The following WDR49 variants were observed in gnomAD, a reference collection of about 807,000 sequenced individuals.
WDR49 encodes the protein cilia- and flagella-associated protein 337.
A neutral mutation model predicts 119.5 loss-of-function variants in WDR49; 107 were observed. That is an observed-to-expected ratio of 0.90 (90% CI 0.77 to 1.05). The LOEUF is 1.05. Among genes scored for constraint, WDR49 ranks in the 50% least tolerant of loss-of-function variants. The pLI, the probability that WDR49 is intolerant of heterozygous loss-of-function variation, is 0.00. For missense variants in WDR49, 1,240 were observed against 1,220.5 expected (o/e 1.02, Z -0.24); for synonymous variants, 425 against 418.8 (o/e 1.01, Z -0.18).
chr3:167,639,016 T>C (rs929494140), intron 2 of WDR49, among the ~76,000 whole-genome samples: 1 of 151,740 alleles, frequency 6.6e-6, no homozygotes, highest in African/African-American at 2.4e-5. Context: ...ATTGTTCTTA[T>C]TAATTTTCTC....
chr3:167,560,254 A>G lies in WDR49; in HGVS notation c.1510-26T>C, dbSNP rs192521429. The G allele has an allele frequency of 1.2e-4, 196 of 1,596,500 alleles. No individual in the cohort carries two copies. In the African/African-American group the frequency reaches 2.0e-3, roughly 17 times the overall value. Reference sequence around the variant, plus strand: ...CTAAGAGAAAATAACATTTTAAAGAAATTAAATATAGTCTCAGAATCAACC... The same window carrying G: ...CTAAGAGAAAATAACATTTTAAAGAGATTAAATATAGTCTCAGAATCAACC... On this transcript the variant is annotated intron_variant, in intron 8 of 18. Transcript: ENST00000682715.
At chr3:167,542,748 A>C (rs982589193) in intron 10 of WDR49, among the ~76,000 whole-genome samples, 35 of 152,088 alleles carry the variant, frequency 2.3e-4, no homozygotes, top group Non-Finnish European at 4.4e-4. Context: ...ACAAGAAAAA[A>C]ACAAACCCAA....
At chr3:167,608,460 T>C (rs1007938326) in intron 5 of WDR49, among the ~76,000 whole-genome samples, 2 of 152,194 alleles carry the variant, frequency 1.3e-5, no homozygotes, top group Non-Finnish European at 2.9e-5. Flanking sequence ...TGCTTTAAGA[T>C]TTAAATCTGC....
intron 18 of WDR49, among the ~76,000 whole-genome samples, chr3:167,482,234 G>T (rs372683422): frequency 2.0e-4 from 31 of 152,212 alleles, no homozygotes; most frequent in East Asian, 1.7e-3. Context: ...ATGCCTACAA[G>T]ATAATCAGGG....
intron 5 of WDR49, among the ~76,000 whole-genome samples, chr3:167,605,186 C>G (rs1352464047): frequency 2.6e-5 from 4 of 151,910 alleles, no homozygotes; most frequent in African/African-American, 9.7e-5. Context: ...TTCTGAGAAG[C>G]AGGAAAATAG....
At chr3:167,608,882 C>T (rs560579736) in intron 5 of WDR49, among the ~76,000 whole-genome samples, 5 of 152,190 alleles carry the variant, frequency 3.3e-5, no homozygotes, top group African/African-American at 9.6e-5. Context: ...CATTAAGATG[C>T]TAACTTTCAA....
chr3:167,596,115 A>G (rs1240827112), intron 7 of WDR49, among the ~76,000 whole-genome samples: 1 of 150,226 alleles, frequency 6.7e-6, no homozygotes, highest in Non-Finnish European at 1.5e-5. Context: ...AAACACATGA[A>G]AAAATGCTCA....
At chr3:167,617,255 A>T (rs1210439559) in intron 5 of WDR49, among the ~76,000 whole-genome samples, 1 of 152,228 alleles carries the variant, frequency 6.6e-6, no homozygotes, top group Non-Finnish European at 1.5e-5. Context: ...GGCCAGACAC[A>T]GTGGCTCACA....
intron 18 of WDR49, among the ~76,000 whole-genome samples, chr3:167,486,261 T>C (rs1750913149): frequency 6.6e-6 from 1 of 152,034 alleles, no homozygotes; most frequent in African/African-American, 2.4e-5. Flanking sequence ...GCATCCTAAA[T>C]ATAGAACCAA....
intron 8 of WDR49, among the ~76,000 whole-genome samples, chr3:167,563,035 C>T (rs1577241991): frequency 6.6e-6 from 1 of 152,258 alleles, no homozygotes; most frequent in Non-Finnish European, 1.5e-5. Context: ...TGCTTTCCTC[C>T]AACTATGACA....
At chr3:167,627,637 G>A (rs746381112) in intron 2 of WDR49, among the ~76,000 whole-genome samples, 4 of 151,994 alleles carry the variant, frequency 2.6e-5, no homozygotes, top group Non-Finnish European at 4.4e-5. Context: ...AAAAGGCAAG[G>A]AAAGGTTCTC....
At chr3:167,652,796 A>T (rs910618183) in intron 2 of WDR49, among the ~76,000 whole-genome samples, 3 of 152,188 alleles carry the variant, frequency 2.0e-5, no homozygotes, top group Non-Finnish European at 4.4e-5. Context: ...TTAGAAAAGG[A>T]GCTGTGCCAC....
intron 7 of WDR49, among the ~76,000 whole-genome samples, chr3:167,578,631 A>G (rs1466860512): frequency 6.6e-6 from 1 of 152,142 alleles, no homozygotes; most frequent in African/African-American, 2.4e-5. Flanking sequence ...TTATTGACCC[A>G]CTAATTTAAC....
chr3:167,593,667 C>T (rs2108298068), intron 7 of WDR49, among the ~76,000 whole-genome samples: 1 of 152,058 alleles, frequency 6.6e-6, no homozygotes, highest in South Asian at 2.1e-4. Flanking sequence ...GTGTTAGTAG[C>T]TGTTCTTTGG....
At chr3:167,516,107 AT>A (rs1417018169) in intron 16 of WDR49, among the ~76,000 whole-genome samples, 3 of 151,834 alleles carry the variant, frequency 2.0e-5, no homozygotes, top group African/African-American at 7.2e-5. Flanking sequence ...TACTCTTGAA[AT>A]TTTTTTTATT....
At position 167,491,220 on chromosome 3, in the gene WDR49, A is replaced by G. The variant is rs1751120649; in HGVS notation, c.3031+8933T>C. On this transcript the variant is annotated intron_variant, in intron 18 of 18. Coordinates refer to ENST00000682715, the MANE Select transcript of WDR49 (RefSeq NM_001366157.1). Reference sequence around the variant, plus strand: ...GCTTTGCCCCACCCGGGAGCTTTAGAATCACTTTTAGGTTGTTCAGCAATG... The same window carrying G: ...GCTTTGCCCCACCCGGGAGCTTTAGGATCACTTTTAGGTTGTTCAGCAATG... Among the ~76,000 whole-genome samples, 4 of 152,218 alleles carry G rather than the reference A, an allele frequency of 2.6e-5. No individual in the cohort carries two copies. The South Asian group carries it at 8.3e-4, about 32-fold the overall frequency.
At chr3:167,608,527 T>C (rs1034784175) in intron 5 of WDR49, among the ~76,000 whole-genome samples, 3 of 152,226 alleles carry the variant, frequency 2.0e-5, no homozygotes, top group African/African-American at 7.2e-5. Context: ...GCTCAACAAT[T>C]CACGCTTAAT....
At chr3:167,646,906 T>C (rs1258390639) in intron 2 of WDR49, among the ~76,000 whole-genome samples, 2 of 152,106 alleles carry the variant, frequency 1.3e-5, no homozygotes, top group Admixed American at 6.6e-5. Flanking sequence ...CAAGGGGCTT[T>C]TTCTTGCACA....
chr3:167,527,469 A>T (rs1315816474), intron 15 of WDR49, among the ~76,000 whole-genome samples: 1 of 152,084 alleles, frequency 6.6e-6, no homozygotes, highest in Non-Finnish European at 1.5e-5. Flanking sequence ...TAACAGTCAT[A>T]ATCACCTGTC....
Sources: gnomAD v4.1 joint callset for allele counts (sites outside exome capture counted in the v4.1 genomes callset) on GRCh38, gnomAD v4.1.1 for gene constraint, MANE v1.5 for transcripts, NCBI Gene and HGNC (gene_info 2026-07-23, HGNC 2026-07-21) for gene names.